The following SLC35F1 variants were observed in gnomAD, a reference collection of about 807,000 sequenced individuals.
SLC35F1 encodes solute carrier family 35 member F1.
Under a neutral mutation model 48.7 loss-of-function variants are expected in SLC35F1, and 14 were observed. That is an observed-to-expected ratio of 0.29 (90% CI 0.19 to 0.45). The LOEUF is 0.45. Ranked by LOEUF, SLC35F1 falls within the 20% of genes least tolerant of loss-of-function variation. The pLI is 1.00. For missense variants in SLC35F1, 404 were observed against 500.0 expected (o/e 0.81, Z 1.83); for synonymous variants, 190 against 202.2 (o/e 0.94, Z 0.51).
intron 7 of SLC35F1, among the ~76,000 whole-genome samples, chr6:118,306,446 A>G (rs1376716973): frequency 6.6e-6 from 1 of 152,246 alleles, no homozygotes; most frequent in Admixed American, 6.5e-5. Flanking sequence ...CCCTGGCTTT[A>G]AAATTCAGTC....
intron 1 of SLC35F1, among the ~76,000 whole-genome samples, chr6:118,071,577 T>G (rs1421232915): frequency 6.6e-6 from 1 of 152,114 alleles, no homozygotes; most frequent in Non-Finnish European, 1.5e-5. Flanking sequence ...TTTCCCCTTG[T>G]GTGGTTTATT....
At chr6:117,941,886 AGTT>A (rs1156812830) in intron 1 of SLC35F1, among the ~76,000 whole-genome samples, 4 of 152,200 alleles carry the variant, frequency 2.6e-5, no homozygotes, top group Non-Finnish European at 5.9e-5. Context: ...ATGACTCAGT[AGTT>A]GTTGTTGATC....
At chr6:118,222,130 A>G (rs1775159937) in intron 2 of SLC35F1, among the ~76,000 whole-genome samples, 1 of 152,194 alleles carries the variant, frequency 6.6e-6, no homozygotes, top group Non-Finnish European at 1.5e-5. Context: ...TAATGCACAC[A>G]TATCCCCTGG....
At chr6:117,908,455 G>C (rs1402402731) in intron 1 of SLC35F1, among the ~76,000 whole-genome samples, 1 of 152,332 alleles carries the variant, frequency 6.6e-6, no homozygotes, top group East Asian at 1.9e-4. Flanking sequence ...GTCGCCTCTC[G>C]GACTCTTCCT....
chr6:117,913,401 C>A (rs1775787446), intron 1 of SLC35F1, among the ~76,000 whole-genome samples: 1 of 152,174 alleles, frequency 6.6e-6, no homozygotes, highest in African/African-American at 2.4e-5. Flanking sequence ...AACCTCAAAA[C>A]CTAACTGGGA....
Position 118,314,172 on chromosome 6 carries a change from A to G in SLC35F1, c.1147A>G (p.Thr383Ala). The change falls in exon 8 of 8, where the codon ACA becomes GCA. Residue 383 changes from threonine (T) to alanine (A), a missense_variant. Thr to Ala is a moderately conservative substitution (Grantham distance 58). Transcript: ENST00000360388. ...AGGACCTGTTGTGGACTTACCGACCACAGCTCAGGTGGAACCCTCAGTCAC... is the reference window on the plus strand; with the variant it reads ...AGGACCTGTTGTGGACTTACCGACCGCAGCTCAGGTGGAACCCTCAGTCAC... Reference protein sequence around the residue: ...PSGPVVDLPTTAQVEPSVTYT... With the variant: ...PSGPVVDLPTAAQVEPSVTYT... 1 of 1,614,104 alleles carries G rather than the reference A, an allele frequency of 6.2e-7. No individual in the cohort carries two copies. The highest frequency in any genetic ancestry group is 8.5e-7 in the Non-Finnish European group (1 of 1,179,996).
intron 1 of SLC35F1, among the ~76,000 whole-genome samples, chr6:117,963,006 G>A (rs1351608592): frequency 6.6e-6 from 1 of 152,104 alleles, no homozygotes; most frequent in East Asian, 1.9e-4. Context: ...GTTTCCTTAT[G>A]CTGTGGTGTG....
At chr6:118,057,394 T>A (rs1392823230) in intron 1 of SLC35F1, among the ~76,000 whole-genome samples, 2 of 152,160 alleles carry the variant, frequency 1.3e-5, no homozygotes, top group Non-Finnish European at 2.9e-5. Flanking sequence ...ATGGCCACAG[T>A]GACCTTGATG....
At chr6:117,927,388 A>G (rs139691751) in intron 1 of SLC35F1, among the ~76,000 whole-genome samples, 148 of 152,272 alleles carry the variant, frequency 9.7e-4, no homozygotes, top group Middle Eastern at 3.4e-3. Context: ...TCACATTTCT[A>G]ATAATCTTTG....
chr6:117,962,605 A>G (rs1776513195), intron 1 of SLC35F1, among the ~76,000 whole-genome samples: 1 of 152,086 alleles, frequency 6.6e-6, no homozygotes, highest in Non-Finnish European at 1.5e-5. Flanking sequence ...CTTGGATGAA[A>G]AGGGCAACAA....
intron 1 of SLC35F1, among the ~76,000 whole-genome samples, chr6:118,065,892 T>C (rs997891776): frequency 1.3e-5 from 2 of 152,230 alleles, no homozygotes; most frequent in Non-Finnish European, 2.9e-5. Context: ...ATTTTATAAT[T>C]ATGTTCAAAG....
Position 117,907,868 on chromosome 6 carries a change from G to C in SLC35F1, c.142G>C (p.Val48Leu), listed in dbSNP as rs1340360803. 1 of 1,514,552 alleles carries C rather than the reference G, an allele frequency of 6.6e-7. No homozygotes were observed. Among genetic ancestry groups the C allele is most frequent in the African/African-American group, 1.4e-5 (1 of 69,416 alleles). The allele number at this position is 1,514,552 out of a possible 1,614,324, so 93.8% of individuals were successfully genotyped here. A position where few individuals can be genotyped will look rare whatever the true frequency, so the allele number is the denominator to read the frequency against. The change falls in exon 1 of 8, where the codon GTG becomes CTG. Residue 48 changes from valine (V) to leucine (L), a missense_variant. Physicochemically the swap from Val to Leu is conservative, Grantham distance 32. Transcript: ENST00000360388. ...CCTGTCCGCCTCCTCCCGGGCTGGC[G>C]TGCGCCAGAGGATCCGCAAAGTGCT... is the stretch of plus-strand genomic sequence containing the variant. The part of the protein sequence containing the change: ...GSLSASSRAG[V>L]RQRIRKVLNR...
chr6:118,155,753 C>T (rs76922450), intron 2 of SLC35F1, among the ~76,000 whole-genome samples: 1 of 151,924 alleles, frequency 6.6e-6, no homozygotes, highest in Non-Finnish European at 1.5e-5. Context: ...GTAAAATGTG[C>T]ATTGAAAAAA....
chr6:118,240,423 T>G (rs1056609253), intron 3 of SLC35F1, among the ~76,000 whole-genome samples: 1 of 152,230 alleles, frequency 6.6e-6, no homozygotes, highest in African/African-American at 2.4e-5. Flanking sequence ...GGAATATGAT[T>G]GGAGAACAAT....
At chr6:117,918,589 G>T (rs1582560682) in intron 1 of SLC35F1, among the ~76,000 whole-genome samples, 4 of 152,294 alleles carry the variant, frequency 2.6e-5, no homozygotes. Flanking sequence ...TGTACAAAGA[G>T]AAGTGGGAAA....
intron 1 of SLC35F1, among the ~76,000 whole-genome samples, chr6:118,085,487 CTTTTTTTTT>C (rs59548308): frequency 5.3e-4 from 30 of 56,954 alleles, no homozygotes; most frequent in African/African-American, 2.0e-3. Flanking sequence ...TCTTTCTTTC[CTTTTTTTTT>C]TTTTTTTTTT....
intron 4 of SLC35F1, among the ~76,000 whole-genome samples, chr6:118,267,814 C>T (rs901408885): frequency 6.6e-6 from 1 of 152,158 alleles, no homozygotes; most frequent in Non-Finnish European, 1.5e-5. Flanking sequence ...CATCAAATTG[C>T]TGTGAATCTG....
chr6:117,931,150 A>C (rs1776096531), intron 1 of SLC35F1, among the ~76,000 whole-genome samples: 1 of 152,118 alleles, frequency 6.6e-6, no homozygotes, highest in East Asian at 1.9e-4. Flanking sequence ...AGGTTACCAC[A>C]CCCTATTTGA....
chr6:118,164,487 T>C (rs1774286324), intron 2 of SLC35F1, among the ~76,000 whole-genome samples: 2 of 152,210 alleles, frequency 1.3e-5, no homozygotes, highest in African/African-American at 4.8e-5. Flanking sequence ...AGTCATTGAG[T>C]CACCCTAATG....
Sources: gnomAD v4.1 joint callset for allele counts (sites outside exome capture counted in the v4.1 genomes callset) on GRCh38, gnomAD v4.1.1 for gene constraint, MANE v1.5 for transcripts, NCBI Gene and HGNC (gene_info 2026-07-23, HGNC 2026-07-21) for gene names.